The following GAK variants were observed in gnomAD, a reference collection of about 807,000 sequenced individuals.
The protein encoded by GAK is cyclin G associated kinase, also known as cyclin-G-associated kinase.
Under a neutral mutation model 143.9 loss-of-function variants are expected in GAK, and 79 were observed. That is an observed-to-expected ratio of 0.55 (90% confidence interval 0.46 to 0.66). The LOEUF is 0.66. GAK is among the 30% of genes least tolerant of loss of function. The pLI is 0.00. For missense variants in GAK, 1,693 were observed against 1,779.7 expected, an observed-to-expected ratio of 0.95 and a Z score of 0.88; for synonymous variants, 881 against 765.5, an observed-to-expected ratio of 1.15 and a Z score of -2.49.
At position 867,209 on chromosome 4, in the gene GAK, C is replaced by A; in HGVS notation, c.2619G>T (p.Glu873Asp). Reference sequence around the variant, plus strand: ...CGACCCCGTCTTCCTGTGGCACAGGCTCTGGCAGCACAGCCGGTGTCTCCA... The same window carrying A: ...CGACCCCGTCTTCCTGTGGCACAGGATCTGGCAGCACAGCCGGTGTCTCCA... ...FEVETPAVLP[E>D]PVPQEDGVDL... Residue 873 changes from glutamate to aspartate, a missense_variant, in exon 21 of 28, where the codon GAG becomes GAT. Coordinates refer to ENST00000314167, the MANE Select transcript of GAK (RefSeq NM_005255.4). 1 of 1,612,346 alleles carries A rather than the reference C, an allele frequency of 6.2e-7. No individual in the cohort carries two copies.
rs1242025965 is a variant in GAK at position 877,130 on chromosome 4, T to C, written c.1934A>G (p.Tyr645Cys). The change falls in exon 17 of 28, where the codon TAT becomes TGT. Residue 645 changes from tyrosine (Y) to cysteine (C), a missense_variant. Tyr to Cys is a radical substitution (Grantham distance 194, BLOSUM62 -2). This residue lies in a region of GAK where 871 missense variants were observed against 991.0 expected (regional missense o/e 0.88). Coordinates refer to ENST00000314167, the MANE Select transcript of GAK (RefSeq NM_005255.4). ...TVQGDVLIVI[Y>C]HARSTLGGRL... ...GCCGCCCAGAGTGGACCGGGCGTGA[T>C]AGATGACGATGAGCACGTCTCCTTG... The C allele has an allele frequency of 4.3e-6, 7 of 1,613,848 alleles. No homozygotes were observed. The highest frequency in any genetic ancestry group is 1.7e-5 in the Admixed American group (1 of 60,008).
chr4:931,376 C>T (rs1725727826), intron 1 of GAK, among the ~76,000 whole-genome samples: 1 of 152,066 alleles, frequency 6.6e-6, no homozygotes, highest in African/African-American at 2.4e-5. Flanking sequence ...TGTTGAAAGA[C>T]GAAGGGGGAT....
intron 1 of GAK, among the ~76,000 whole-genome samples, chr4:926,043 C>T (rs1255723464): frequency 6.6e-6 from 1 of 151,838 alleles, no homozygotes; most frequent in African/African-American, 2.4e-5. Context: ...CCCCGAACGT[C>T]TAATTCACCC....
At chr4:877,996 T>A (rs969027341) in intron 15 of GAK, among the ~76,000 whole-genome samples, 187 bp from the exon 16 acceptor site, 1 of 152,212 alleles carries the variant, frequency 6.6e-6, no homozygotes, top group Non-Finnish European at 1.5e-5. Context: ...TGTATACATA[T>A]ATGTATTTTT....
intron 24 of GAK, among the ~76,000 whole-genome samples, chr4:856,109 T>C (rs1257929199): frequency 6.6e-6 from 1 of 152,064 alleles, no homozygotes; most frequent in African/African-American, 2.4e-5. Flanking sequence ...CCACCTCAGC[T>C]TGCTGAGTAG....
At chr4:858,852 G>A (rs1191202941) in intron 24 of GAK, among the ~76,000 whole-genome samples, 3 of 152,198 alleles carry the variant, frequency 2.0e-5, no homozygotes, top group African/African-American at 7.2e-5. Flanking sequence ...AAATGCTCCC[G>A]GAGCTGAGCA....
chr4:883,225 C>G, intron 13 of GAK, 90 bp downstream of exon 13: 5 of 1,493,910 alleles, frequency 3.3e-6, no homozygotes, highest in Non-Finnish European at 4.5e-6. Flanking sequence ...CATCACAGCC[C>G]CACCCTGGCC....
intron 11 of GAK, chr4:888,395 C>T (rs557971048): frequency 8.4e-5 from 14 of 167,434 alleles, no homozygotes; most frequent in East Asian, 1.8e-4. Context: ...CCCGCACAGA[C>T]GCGCCCTTGG....
rs2152665218 is a variant in GAK, at chr4:850,045, C to T, written c.3681G>A (p.Lys1227=). The T allele has an allele frequency of 6.3e-7, 1 of 1,593,490 alleles. No homozygotes were observed. Among genetic ancestry groups the T allele is most frequent in the East Asian group, 2.3e-5 (1 of 43,956 alleles). ...KLKLLDWIEG[K]ERNIRALLST... ...ACAGCAGGGCCCGGATGTTCCGCTC[C>T]TTGCCCTCAATCCAGTCCAGGAGCT... Residue 1227 remains lysine (K), a synonymous_variant, in exon 27 of 28, where the codon AAG becomes AAA. Transcript: ENST00000314167.
chr4:882,247 C>CAGGG (rs1033779333), intron 14 of GAK, among the ~76,000 whole-genome samples: 13 of 152,258 alleles, frequency 8.5e-5, no homozygotes, highest in Non-Finnish European at 1.6e-4. Context: ...TAACGAAGAA[C>CAGGG]AGGGCTAGGG....
At chr4:868,339 TC>T (rs1711517623) in intron 20 of GAK, among the ~76,000 whole-genome samples, 199 bp downstream of exon 20, 1 of 152,202 alleles carries the variant, frequency 6.6e-6, no homozygotes, top group African/African-American at 2.4e-5. Flanking sequence ...TCTTTTTTTT[TC>T]ACCTTTAAAA....
chr4:920,539 A>AATTTTTTTTTTTTTTTTTTT, intron 1 of GAK, among the ~76,000 whole-genome samples: 1 of 129,592 alleles, frequency 7.7e-6, no homozygotes, highest in South Asian at 2.5e-4. Flanking sequence ...GTTTAGAGCC[A>AATTTTTTTTTTTTTTTTTTT]TTTTTTTTTT....
chr4:862,518 C>T (rs1029743699), intron 23 of GAK, among the ~76,000 whole-genome samples: 2 of 152,048 alleles, frequency 1.3e-5, no homozygotes, highest in Non-Finnish European at 2.9e-5. Flanking sequence ...ATTAGCCGGG[C>T]GTGGTGGCAG....
At chr4:930,734 C>A (rs1725547234) in intron 1 of GAK, among the ~76,000 whole-genome samples, 1 of 152,130 alleles carries the variant, frequency 6.6e-6, no homozygotes, top group South Asian at 2.1e-4. Context: ...TATCACACTT[C>A]AGCCCCCACT....
chr4:878,253 G>A (rs1356137191), intron 15 of GAK, among the ~76,000 whole-genome samples: 1 of 152,162 alleles, frequency 6.6e-6, no homozygotes, highest in East Asian at 1.9e-4. Flanking sequence ...GCCGGACTTG[G>A]TGGTGTGCAC....
intron 1 of GAK, among the ~76,000 whole-genome samples, chr4:921,226 C>T (rs995183844): frequency 3.3e-5 from 5 of 152,194 alleles, no homozygotes; most frequent in African/African-American, 1.2e-4. Flanking sequence ...CCTCAGTCTC[C>T]CCAGTAGCTG....
At chr4:906,149 G>A (rs1360649387) in intron 4 of GAK, among the ~76,000 whole-genome samples, 4 of 152,208 alleles carry the variant, frequency 2.6e-5, no homozygotes, top group Admixed American at 6.5e-5. Flanking sequence ...AGCCATTAAC[G>A]TGAGAACCAC....
chr4:866,601 G>C, intron 21 of GAK, 67 bp from the exon 22 acceptor site: 2 of 1,545,990 alleles, frequency 1.3e-6, no homozygotes, highest in Non-Finnish European at 1.8e-6. Context: ...GCCCAGCTCT[G>C]GAGTCAGGCC....
chr4:888,766 C>A, intron 11 of GAK, 81 bp downstream of exon 11: 1 of 1,515,498 alleles, frequency 6.6e-7, no homozygotes, highest in Non-Finnish European at 8.9e-7. Context: ...AGCTGTTCCA[C>A]CGCAGCCAGG....
Sources: allele counts gnomAD v4.1 joint callset (sites outside exome capture counted in the v4.1 genomes callset), GRCh38; gene constraint gnomAD v4.1.1; regional missense constraint gnomAD v4.1.1; transcripts MANE v1.5; gene names NCBI Gene and HGNC (gene_info 2026-07-23, HGNC 2026-07-21).